The following PTPRD variants were observed in gnomAD, a reference collection of about 807,000 sequenced individuals.
PTPRD encodes the protein receptor-type tyrosine-protein phosphatase delta.
In PTPRD, 34 loss-of-function variants were observed where a neutral mutation model predicts 214.5. The observed-to-expected ratio is 0.16, with a 90% CI of 0.12 to 0.21. The LOEUF (loss-of-function observed/expected upper bound fraction) is 0.21, where lower values mean the gene tolerates loss of function less well. Ranked by LOEUF, PTPRD falls within the 10% of genes least tolerant of loss-of-function variation. PTPRD has a pLI of 1.00. For synonymous variants in PTPRD, 1,128 were observed against 845.7 expected (o/e 1.33, Z -5.79); for missense variants, 2,545 against 2,398.7 (o/e 1.06, Z -1.27).
intron 3 of PTPRD, among the ~76,000 whole-genome samples, chr9:10,217,892 A>G (rs2099548892): frequency 1.3e-5 from 2 of 151,888 alleles, no homozygotes; most frequent in African/African-American, 4.8e-5. Flanking sequence ...GGCCCTTAGA[A>G]TGTTATTTAG....
At chr9:8,726,697 A>C (rs1258838649) in intron 12 of PTPRD, among the ~76,000 whole-genome samples, 6 of 129,688 alleles carry the variant, frequency 4.6e-5, no homozygotes, top group Admixed American at 8.5e-5. Flanking sequence ...GCTACTTGGG[A>C]GGCTAAGGCA....
At chr9:10,577,237 A>G (rs1050887224) in intron 2 of PTPRD, among the ~76,000 whole-genome samples, 2 of 152,164 alleles carry the variant, frequency 1.3e-5, no homozygotes, top group Non-Finnish European at 2.9e-5. Context: ...AACATTCAAA[A>G]TGTTTAGTTT....
intron 5 of PTPRD, among the ~76,000 whole-genome samples, chr9:9,783,921 G>T (rs569113822): frequency 6.6e-6 from 1 of 150,470 alleles, no homozygotes; most frequent in African/African-American, 2.4e-5. Flanking sequence ...GAAGGCAACT[G>T]CCAGAGACTA....
intron 3 of PTPRD, among the ~76,000 whole-genome samples, chr9:10,093,429 C>T (rs187241381): frequency 2.6e-4 from 40 of 151,272 alleles, no homozygotes; most frequent in Non-Finnish European, 4.9e-4. Flanking sequence ...ATGGCGATTC[C>T]TAAAAAGTCC....
At position 8,389,406 on chromosome 9, in the gene PTPRD, C is replaced by T. The variant is rs144816539; in HGVS notation, c.4212G>A (p.Gly1404=). Residue 1404 remains glycine (G), a splice_region_variant and synonymous_variant, in exon 37 of 46, where the codon GGG becomes GGA. Transcript: ENST00000381196. ...CATTCACATAGTCACTTCCTGGGAT[C>T]CCTGGAAAACAAGGAGTGTTATTCA... ...HSRVLLSAIE[G]IPGSDYVNAN... The T allele has an allele frequency of 1.2e-6, 2 of 1,604,958 alleles. No individual in the cohort carries two copies. The highest frequency in any genetic ancestry group is 1.3e-5 in the African/African-American group (1 of 74,432).
At chr9:9,778,568 T>C (rs1247452229) in intron 5 of PTPRD, among the ~76,000 whole-genome samples, 14 of 152,184 alleles carry the variant, frequency 9.2e-5, no homozygotes, top group Non-Finnish European at 2.1e-4. Context: ...ATGTCTGTTT[T>C]GTAAGTCCTG....
At chr9:9,704,854 A>C (rs555493754) in intron 7 of PTPRD, among the ~76,000 whole-genome samples, 1 of 152,350 alleles carries the variant, frequency 6.6e-6, no homozygotes, top group African/African-American at 2.4e-5. Context: ...TTCCAGTTGA[A>C]AACCATCAAG....
intron 7 of PTPRD, among the ~76,000 whole-genome samples, chr9:9,606,893 G>A (rs998761022): frequency 9.9e-5 from 13 of 131,858 alleles, no homozygotes; most frequent in African/African-American, 2.6e-4. Context: ...GAATAGGTTC[G>A]CCTAACAATT....
At chr9:8,465,124 T>C (rs1354806860) in intron 32 of PTPRD, among the ~76,000 whole-genome samples, 1 of 151,920 alleles carries the variant, frequency 6.6e-6, no homozygotes, top group African/African-American at 2.4e-5. Flanking sequence ...ACAACAGTCA[T>C]TTTGAAAGGA....
At chr9:9,135,755 A>G (rs2099849856) in intron 10 of PTPRD, among the ~76,000 whole-genome samples, 1 of 152,156 alleles carries the variant, frequency 6.6e-6, no homozygotes, top group South Asian at 2.1e-4. Context: ...TATTGTAACA[A>G]TTTATTTTGT....
chr9:10,605,443 CTG>C (rs2079045182), intron 2 of PTPRD, among the ~76,000 whole-genome samples: 1 of 151,822 alleles, frequency 6.6e-6, no homozygotes, highest in African/African-American at 2.4e-5. Context: ...TCATGCTTTA[CTG>C]CCTTTCTAGA....
chr9:8,434,619 T>C (rs1422936061), intron 35 of PTPRD, among the ~76,000 whole-genome samples: 4 of 152,070 alleles, frequency 2.6e-5, no homozygotes, highest in African/African-American at 7.2e-5. Context: ...TTGTAACCCA[T>C]TACATAACTT....
chr9:8,417,181 T>C (rs898365518), intron 35 of PTPRD, among the ~76,000 whole-genome samples: 1 of 152,136 alleles, frequency 6.6e-6, no homozygotes, highest in Non-Finnish European at 1.5e-5. Flanking sequence ...CTATAATATA[T>C]CGTTAGATTC....
At chr9:10,104,606 G>C (rs1384630411) in intron 3 of PTPRD, among the ~76,000 whole-genome samples, 4 of 151,678 alleles carry the variant, frequency 2.6e-5, no homozygotes, top group Non-Finnish European at 4.4e-5. Flanking sequence ...AATGCAATTT[G>C]TAATAATATT....
In PTPRD at chr9:10,599,189, G is replaced by A. The variant is rs560295495; in HGVS notation, c.-600+13209C>T. 5.1e-4 allele frequency among the ~76,000 whole-genome samples: 78 copies of A among 151,650 alleles called. 1 individual carries two copies. Among genetic ancestry groups the A allele is most frequent in the Non-Finnish European group, 1.0e-3 (68 of 67,776 alleles). On this transcript the variant is annotated intron_variant, in intron 2 of 45. Transcript: ENST00000381196. ...ATTCCCTAGGTGATGATCGAGCAATGTGATGGCAGAAACCTGTATCTACGA... is the reference window on the plus strand; with the variant it reads ...ATTCCCTAGGTGATGATCGAGCAATATGATGGCAGAAACCTGTATCTACGA...
chr9:9,843,063 C>T (rs1159235848), intron 5 of PTPRD, among the ~76,000 whole-genome samples: 1 of 152,046 alleles, frequency 6.6e-6, no homozygotes. Context: ...TTTATTGGAA[C>T]ACAGCTATGT....
intron 5 of PTPRD, among the ~76,000 whole-genome samples, chr9:9,893,513 A>G (rs2074050214): frequency 1.3e-5 from 2 of 152,162 alleles, no homozygotes; most frequent in Admixed American, 1.3e-4. Context: ...TCAAACTCCT[A>G]TAAAAACTAT....
At chr9:9,110,909 C>T (rs2099805085) in intron 10 of PTPRD, among the ~76,000 whole-genome samples, 1 of 152,122 alleles carries the variant, frequency 6.6e-6, no homozygotes, top group Admixed American at 6.6e-5. Flanking sequence ...TGTTTCACTG[C>T]AACAGAGTAG....
chr9:8,376,852 T>C (rs1564394017), intron 37 of PTPRD, 126 bp from the exon 38 acceptor site: 1 of 1,293,490 alleles, frequency 7.7e-7, no homozygotes, highest in East Asian at 2.4e-5. Context: ...TTTTCTGGCA[T>C]GCATTTTTGT....
Sources: allele counts gnomAD v4.1 joint callset (sites outside exome capture counted in the v4.1 genomes callset), GRCh38; gene constraint gnomAD v4.1.1; transcripts MANE v1.5; gene names NCBI Gene and HGNC (gene_info 2026-07-23, HGNC 2026-07-21).